The following CIDEA variants were observed in gnomAD, a reference collection of about 807,000 sequenced individuals.
CIDEA encodes the protein lipid transferase CIDEA.
A neutral mutation model predicts 18.2 loss-of-function variants in CIDEA; 10 were observed. The observed-to-expected ratio is 0.55, with a 90% CI of 0.34 to 0.93. CIDEA has a LOEUF of 0.93. Ranked by LOEUF, CIDEA falls within the 40% of genes least tolerant of loss-of-function variation. CIDEA has a pLI of 0.02. For missense variants in CIDEA, 309 were observed against 293.1 expected (o/e 1.05, Z -0.40); for synonymous variants, 128 against 124.8 (o/e 1.03, Z -0.17).
chr18:12,272,204 G>A (rs1912569278), intron 3 of CIDEA, among the ~76,000 whole-genome samples: 1 of 132,238 alleles, frequency 7.6e-6, no homozygotes, highest in South Asian at 2.4e-4. Context: ...TTGTTTGGTT[G>A]GGTTTTTTTG....
chr18:12,266,507 C>T (rs1180706731), intron 3 of CIDEA, among the ~76,000 whole-genome samples: 1 of 152,038 alleles, frequency 6.6e-6, no homozygotes, highest in African/African-American at 2.4e-5. Context: ...ACTGACTATA[C>T]AGATTTGAAA....
chr18:12,276,985 TCAGA>T, intron 4 of CIDEA, 134 bp from the exon 5 acceptor site: 1 of 938,030 alleles, frequency 1.1e-6, no homozygotes, highest in Non-Finnish European at 1.6e-6. Context: ...ACTCTGAGAG[TCAGA>T]CAGCCATGCT....
chr18:12,261,395 C>A (rs1187374563), intron 1 of CIDEA, among the ~76,000 whole-genome samples: 2 of 152,106 alleles, frequency 1.3e-5, no homozygotes, highest in Admixed American at 6.6e-5. Flanking sequence ...CAAAAGTCTG[C>A]GGTCCTGGGT....
chr18:12,268,919 G>A lies in CIDEA; in HGVS notation c.330+4466G>A, dbSNP rs192007741. On this transcript the variant is annotated intron_variant, in intron 3 of 4. Coordinates refer to ENST00000320477, the MANE Select transcript of CIDEA (RefSeq NM_001279.4). Reference sequence around the variant, plus strand: ...CGGCTCACTGCAACCTCCACCTCCTGGGTTCAAGCGATTCTCCTGCCTCAG... The same window carrying A: ...CGGCTCACTGCAACCTCCACCTCCTAGGTTCAAGCGATTCTCCTGCCTCAG... Among the ~76,000 whole-genome samples, 1,035 of 151,264 alleles carry A rather than the reference G, an allele frequency of 6.8e-3. 8 individuals are homozygous for A. Among genetic ancestry groups the A allele is most frequent in the African/African-American group, 0.024 (995 of 41,172 alleles).
intron 1 of CIDEA, among the ~76,000 whole-genome samples, chr18:12,255,777 C>T (rs1912015982): frequency 6.6e-6 from 1 of 152,202 alleles, no homozygotes; most frequent in Non-Finnish European, 1.5e-5. Flanking sequence ...GTCCCTGCCT[C>T]TGACTATTAT....
At chr18:12,263,341 T>C (rs1912252673) in intron 2 of CIDEA, among the ~76,000 whole-genome samples, 1 of 152,182 alleles carries the variant, frequency 6.6e-6, no homozygotes, top group African/African-American at 2.4e-5. Flanking sequence ...CTGCACCGTA[T>C]ACTTTAAATG....
At chr18:12,270,260 G>A (rs373203400) in intron 3 of CIDEA, among the ~76,000 whole-genome samples, 2 of 151,894 alleles carry the variant, frequency 1.3e-5, no homozygotes, top group African/African-American at 2.4e-5. Context: ...TTCATTTTAC[G>A]TCTTTCTGTC....
At chr18:12,257,462 G>A (rs919694981) in intron 1 of CIDEA, among the ~76,000 whole-genome samples, 6 of 152,210 alleles carry the variant, frequency 3.9e-5, no homozygotes, top group East Asian at 1.9e-4. Flanking sequence ...TTCTCTGTAC[G>A]GCTCAGGTTT....
chr18:12,254,906 C>T (rs141576627), intron 1 of CIDEA: 1 of 1,266,218 alleles, frequency 7.9e-7, no homozygotes. Context: ...CCTGGAAGCG[C>T]GGGCTCTGGT....
intron 3 of CIDEA, among the ~76,000 whole-genome samples, chr18:12,264,745 G>A (rs1912303119): frequency 6.6e-6 from 1 of 152,140 alleles, no homozygotes; most frequent in East Asian, 1.9e-4. Flanking sequence ...AGTAGAGACG[G>A]GGTTTCACCG....
intron 1 of CIDEA, among the ~76,000 whole-genome samples, chr18:12,260,259 C>T (rs1022374380): frequency 7.9e-5 from 12 of 152,060 alleles, no homozygotes; most frequent in African/African-American, 2.9e-4. Context: ...TGCACTGTGG[C>T]CCCAATCTAG....
At chr18:12,255,041 C>A (rs1195562619) in intron 1 of CIDEA, 9 of 859,312 alleles carry the variant, frequency 1.0e-5, no homozygotes, top group Non-Finnish European at 1.3e-5. Flanking sequence ...GGACAAGGGG[C>A]GGGTGGACCC....
chr18:12,258,634 G>A (rs918673054), intron 1 of CIDEA, among the ~76,000 whole-genome samples: 2 of 152,178 alleles, frequency 1.3e-5, no homozygotes, highest in African/African-American at 4.8e-5. Context: ...TGTGGGAGCC[G>A]CGTCTTCTGG....
At chr18:12,257,744 G>C (rs551760873) in intron 1 of CIDEA, among the ~76,000 whole-genome samples, 1 of 152,202 alleles carries the variant, frequency 6.6e-6, no homozygotes, top group Non-Finnish European at 1.5e-5. Flanking sequence ...GTTTCCTGTG[G>C]TTGTGTGCCC....
At chr18:12,269,684 T>C (rs1280002866) in intron 3 of CIDEA, among the ~76,000 whole-genome samples, 1 of 152,170 alleles carries the variant, frequency 6.6e-6, no homozygotes, top group African/African-American at 2.4e-5. Context: ...TTACTGTTTA[T>C]TATGGCCTTT....
At chr18:12,257,251 C>T (rs576436078) in intron 1 of CIDEA, among the ~76,000 whole-genome samples, 63 of 152,210 alleles carry the variant, frequency 4.1e-4, no homozygotes, top group Non-Finnish European at 8.1e-4. Context: ...CTTCCTCCCA[C>T]GGTGGCTGCC....
At chr18:12,260,043 AG>A (rs1912146427) in intron 1 of CIDEA, among the ~76,000 whole-genome samples, 1 of 152,300 alleles carries the variant, frequency 6.6e-6, no homozygotes, top group African/African-American at 2.4e-5. Flanking sequence ...TTTGTTGGTG[AG>A]GCACCTGGAG....
At chr18:12,261,337 C>G (rs1912184880) in intron 1 of CIDEA, among the ~76,000 whole-genome samples, 1 of 152,042 alleles carries the variant, frequency 6.6e-6, no homozygotes, top group South Asian at 2.1e-4. Context: ...TTGAACCATT[C>G]CAGTCTGGGC....
chr18:12,255,885 T>C (rs1025862294), intron 1 of CIDEA, among the ~76,000 whole-genome samples: 1 of 152,210 alleles, frequency 6.6e-6, no homozygotes, highest in Non-Finnish European at 1.5e-5. Flanking sequence ...AAATGAAACA[T>C]TGGGAAACCT....
Sources: allele counts gnomAD v4.1 joint callset (sites outside exome capture counted in the v4.1 genomes callset), GRCh38; gene constraint gnomAD v4.1.1; transcripts MANE v1.5; gene names NCBI Gene and HGNC (gene_info 2026-07-23, HGNC 2026-07-21).